Variants in TTC39B observed in about 807,000 individuals in gnomAD.
TTC39B encodes tetratricopeptide repeat domain 39B.
Under a neutral mutation model 96.6 loss-of-function variants are expected in TTC39B, and 92 were observed. The ratio of observed to expected loss-of-function variants is 0.95; its 90% CI spans 0.80 to 1.13. The LOEUF is 1.13. TTC39B is among the 50% of genes most tolerant of loss of function. The pLI is 0.00. For missense variants in TTC39B, 955 were observed against 809.3 expected, an observed-to-expected ratio of 1.18 and a Z score of -2.18; for synonymous variants, 367 against 299.4, an observed-to-expected ratio of 1.23 and a Z score of -2.33.
intron 18 of TTC39B, 23 bp downstream of exon 18, chr9:15,177,674 C>G (rs566023458): frequency 3.9e-6 from 6 of 1,525,134 alleles, no homozygotes; most frequent in African/African-American, 1.4e-5. Flanking sequence ...TGCACTTGGG[C>G]TGGTTTTATT....
chr9:15,271,893 T>A (rs1053232812), intron 1 of TTC39B, among the ~76,000 whole-genome samples: 2 of 152,230 alleles, frequency 1.3e-5, no homozygotes, highest in African/African-American at 4.8e-5. Context: ...GACTCTTATT[T>A]CCAATTCTGG....
chr9:15,177,870 T>TTG, intron 17 of TTC39B, 56 bp from the exon 18 acceptor site: 1 of 188,932 alleles, frequency 5.3e-6, no homozygotes. Context: ...TTTTAAGATC[T>TTG]TTTTTTTTTT....
chr9:15,186,700 T>G, intron 15 of TTC39B: 1 of 350,716 alleles, frequency 2.9e-6, no homozygotes, highest in Non-Finnish European at 5.2e-6. Context: ...TATACATGGT[T>G]TTTTTTTGGA....
chr9:15,200,013 C>A, intron 7 of TTC39B, 88 bp from the exon 8 acceptor site: 2 of 632,472 alleles, frequency 3.2e-6, no homozygotes, highest in Non-Finnish European at 5.2e-6. Flanking sequence ...ATTAGAAAAA[C>A]AAAAACAAAC....
chr9:15,207,368 A>C (rs1415341529), intron 6 of TTC39B, among the ~76,000 whole-genome samples: 4 of 152,224 alleles, frequency 2.6e-5, no homozygotes, highest in African/African-American at 9.6e-5. Flanking sequence ...CATTGTTCAA[A>C]GACATTATAA....
chr9:15,190,815 C>A (rs188839208), intron 10 of TTC39B, among the ~76,000 whole-genome samples, 153 bp from the exon 11 acceptor site: 1 of 152,122 alleles, frequency 6.6e-6, no homozygotes, highest in Non-Finnish European at 1.5e-5. Context: ...TCCCTATCAC[C>A]GCAAGAGTGA....
intron 1 of TTC39B, among the ~76,000 whole-genome samples, chr9:15,303,656 G>A (rs376620149): frequency 6.6e-6 from 1 of 151,304 alleles, no homozygotes; most frequent in East Asian, 1.9e-4. Flanking sequence ...TTCTGAGATG[G>A]AGTTTTACTC....
chr9:15,223,304 A>C (rs756504177), intron 3 of TTC39B, among the ~76,000 whole-genome samples: 4 of 152,228 alleles, frequency 2.6e-5, no homozygotes, highest in Non-Finnish European at 4.4e-5. Flanking sequence ...ATTACAAGTA[A>C]GGAGGCAAAT....
At chr9:15,255,221 G>A (rs1433154653) in intron 2 of TTC39B, among the ~76,000 whole-genome samples, 1 of 152,052 alleles carries the variant, frequency 6.6e-6, no homozygotes. Flanking sequence ...GGCAATTTCA[G>A]GGTTCTTCCA....
chr9:15,252,462 C>CA (rs1351958664), intron 2 of TTC39B, among the ~76,000 whole-genome samples: 2 of 152,122 alleles, frequency 1.3e-5, no homozygotes, highest in Admixed American at 1.3e-4. Flanking sequence ...TCCTGGCTAA[C>CA]ACGGTGAAAC....
intron 1 of TTC39B, among the ~76,000 whole-genome samples, chr9:15,300,891 CAAAAAAAAA>C (rs71491658): frequency 1.2e-5 from 1 of 81,166 alleles, no homozygotes; most frequent in Non-Finnish European, 2.4e-5. Flanking sequence ...AACTCCGTCT[CAAAAAAAAA>C]AAAAAAAAAA....
chr9:15,233,500 C>T (rs1311414459), intron 2 of TTC39B, among the ~76,000 whole-genome samples: 1 of 149,904 alleles, frequency 6.7e-6, no homozygotes, highest in Non-Finnish European at 1.5e-5. Context: ...CGATTGCAGG[C>T]GCACGCCGCC....
chr9:15,237,292 G>A (rs2131456332), intron 2 of TTC39B, among the ~76,000 whole-genome samples: 1 of 152,286 alleles, frequency 6.6e-6, no homozygotes, highest in Admixed American at 6.5e-5. Flanking sequence ...TCTAGCCTGA[G>A]CAACAAAGCA....
chr9:15,297,423 C>G (rs1824421350), intron 1 of TTC39B, among the ~76,000 whole-genome samples: 1 of 152,166 alleles, frequency 6.6e-6, no homozygotes, highest in Non-Finnish European at 1.5e-5. Flanking sequence ...AAGACTTGGT[C>G]TGGAAACAAG....
At chr9:15,260,170 C>T (rs1246915256) in intron 2 of TTC39B, among the ~76,000 whole-genome samples, 1 of 152,018 alleles carries the variant, frequency 6.6e-6, no homozygotes. Context: ...TCCTTCCCTA[C>T]CTAATACCAA....
intron 3 of TTC39B, among the ~76,000 whole-genome samples, chr9:15,223,254 G>C (rs78574023): frequency 6.6e-6 from 1 of 152,242 alleles, no homozygotes; most frequent in East Asian, 1.9e-4. Context: ...AAGAAACCAT[G>C]GTTGTCAAAA....
chr9:15,293,930 C>T (rs956279407), intron 1 of TTC39B, among the ~76,000 whole-genome samples: 1 of 152,174 alleles, frequency 6.6e-6, no homozygotes, highest in African/African-American at 2.4e-5. Context: ...CCGTTTTCTG[C>T]ACGTCACTTT....
chr9:15,226,301 G>A (rs985843196), intron 2 of TTC39B, among the ~76,000 whole-genome samples: 7 of 152,002 alleles, frequency 4.6e-5, no homozygotes, highest in African/African-American at 1.2e-4. Context: ...GTATATATCC[G>A]TCCAGGTTTT....
At chr9:15,211,698 A>G (rs1820210890) in intron 4 of TTC39B, among the ~76,000 whole-genome samples, 1 of 152,240 alleles carries the variant, frequency 6.6e-6, no homozygotes, top group African/African-American at 2.4e-5. Flanking sequence ...CTGTTGAAAA[A>G]GGGGCAGCAC....
Sources: gnomAD v4.1 joint callset for allele counts (sites outside exome capture counted in the v4.1 genomes callset) on GRCh38, gnomAD v4.1.1 for gene constraint, MANE v1.5 for transcripts, NCBI Gene and HGNC (gene_info 2026-07-23, HGNC 2026-07-21) for gene names.